The following TNFRSF9 variants were observed in gnomAD, a reference collection of about 807,000 sequenced individuals.
The protein encoded by TNFRSF9 is tumor necrosis factor receptor superfamily member 9.
In TNFRSF9, 16 loss-of-function variants were observed where a neutral mutation model predicts 28.8. That is an observed-to-expected ratio of 0.55 (90% CI 0.38 to 0.84). The LOEUF (loss-of-function observed/expected upper bound fraction) is 0.84, where lower values mean the gene tolerates loss of function less well. TNFRSF9 is among the 40% of genes least tolerant of loss of function. TNFRSF9 has a pLI of 0.00. For missense variants in TNFRSF9, 303 were observed against 315.0 expected, an observed-to-expected ratio of 0.96 and a Z score of 0.29; for synonymous variants, 131 against 117.0, an observed-to-expected ratio of 1.12 and a Z score of -0.77.
chr1:7,926,243 T>G (rs890967265), intron 7 of TNFRSF9, among the ~76,000 whole-genome samples: 9 of 152,174 alleles, frequency 5.9e-5, no homozygotes, highest in African/African-American at 2.2e-4. Context: ...TGTTTAGATA[T>G]GTTTAGCTAC....
chr1:7,924,320 T>C (rs997787949), intron 7 of TNFRSF9, among the ~76,000 whole-genome samples: 1 of 117,366 alleles, frequency 8.5e-6, no homozygotes, highest in Non-Finnish European at 1.5e-5. Context: ...TATATATATA[T>C]ATATATATAT....
rs748894187 is a variant in TNFRSF9 at position 7,939,932 on chromosome 1, T to C, written c.63A>G (p.Thr21=). ...TLLLVLNFER[T]RSLQDPCSNC... ...TACTACAAGGATCCTGCAATGATCT[T>C]GTCCTCTCAAAGTTGAGGACCAGCA... is the stretch of plus-strand genomic sequence containing the variant. Residue 21 remains threonine, a synonymous_variant, in exon 2 of 8, where the codon ACA becomes ACG. Transcript: ENST00000377507. 15 of 1,606,586 alleles carry C rather than the reference T, an allele frequency of 9.3e-6. No individual in the cohort carries two copies. Among genetic ancestry groups the C allele is most frequent in the Non-Finnish European group, 1.3e-5 (15 of 1,173,964 alleles).
In TNFRSF9 at chr1:7,919,382, C is replaced by T. The variant is rs1038798985; in HGVS notation, c.*1453G>A. ...AATTAGCCAGGCGTGGTGGCACATA[C>T]CTGTAGTCCCAGCTACTTAGGAGGC... On this transcript the variant is annotated 3_prime_UTR_variant, in exon 8 of 8. Transcript: ENST00000377507. 1 of 152,178 alleles carries T rather than the reference C, an allele frequency of 6.6e-6. No homozygotes were observed. Among genetic ancestry groups the T allele is most frequent in the African/African-American group, 2.4e-5 (1 of 41,442 alleles). 9.4% of individuals were successfully genotyped at this position (152,178 alleles called of 1,614,324 possible). A position where few individuals can be genotyped will look rare whatever the true frequency, so the allele number is the denominator to read the frequency against.
At position 7,938,824 on chromosome 1, in the gene TNFRSF9, T is replaced by C. The variant is rs1402427738; in HGVS notation, c.105A>G (p.Thr35=). The change falls in exon 3 of 8, where the codon ACA becomes ACG. Residue 35 remains threonine, a synonymous_variant. Transcript: ENST00000377507. ...TCTGATTCCTGTTATTATCACAGAA[T>C]GTACCTAAGAAAGGCAGACAATAGT... The part of the protein sequence containing the change: ...QDPCSNCPAG[T]FCDNNRNQIC... 1 of 1,611,290 alleles carries C rather than the reference T, an allele frequency of 6.2e-7. No homozygotes were observed. The highest frequency in any genetic ancestry group is 8.5e-7 in the Non-Finnish European group (1 of 1,177,754).
chr1:7,918,735 G>T lies in TNFRSF9; in HGVS notation c.*2100C>A, dbSNP rs972173682. ...TTATTTAAAAAAATAAACACAAATG[G>T]TATATAAATATTTGACAAGGTGCTC... On this transcript the variant is annotated 3_prime_UTR_variant, in exon 8 of 8. Coordinates refer to ENST00000377507, the MANE Select transcript of TNFRSF9 (RefSeq NM_001561.6). 1 of 152,240 alleles carries T rather than the reference G, an allele frequency of 6.6e-6. No homozygotes were observed. The allele number at this position is 152,240 out of a possible 1,614,324, so 9.4% of individuals were successfully genotyped here.
chr1:7,938,074 A>T (rs1215500826), intron 4 of TNFRSF9, 119 bp downstream of exon 4: 1 of 835,166 alleles, frequency 1.2e-6, no homozygotes, highest in Non-Finnish European at 1.7e-6. Flanking sequence ...GATATATCAT[A>T]TACTCCCTTG....
intron 7 of TNFRSF9, among the ~76,000 whole-genome samples, chr1:7,932,659 GCA>G (rs898175895): frequency 2.0e-5 from 3 of 150,566 alleles, no homozygotes; most frequent in Admixed American, 1.3e-4. Flanking sequence ...TCCTCCACAC[GCA>G]CACACACACA....
At chr1:7,924,163 G>T (rs1452400079) in intron 7 of TNFRSF9, among the ~76,000 whole-genome samples, 2 of 151,908 alleles carry the variant, frequency 1.3e-5, no homozygotes, top group Non-Finnish European at 2.9e-5. Context: ...CTACTGAGCT[G>T]CCAGTTGTGT....
rs1639543984 is a variant in TNFRSF9 at position 7,920,709 on chromosome 1, G to A, written c.*126C>T. 1.6e-5 allele frequency: 12 copies of A among 745,148 alleles called. No individual in the cohort carries two copies. The highest frequency in any genetic ancestry group is 7.8e-5 in the East Asian group (3 of 38,378). 46.2% of individuals were successfully genotyped at this position (745,148 alleles called of 1,614,324 possible). On this transcript the variant is annotated 3_prime_UTR_variant, in exon 8 of 8. Coordinates refer to ENST00000377507, the MANE Select transcript of TNFRSF9 (RefSeq NM_001561.6). ...AACTCATTGGCATTTAGAAAAGAAC[G>A]TGTGTTGGGGGAATCCTGGGTATTA... is the stretch of plus-strand genomic sequence containing the variant.
intron 2 of TNFRSF9, among the ~76,000 whole-genome samples, chr1:7,939,676 G>C (rs145901654): frequency 6.6e-6 from 1 of 152,302 alleles, no homozygotes; most frequent in African/African-American, 2.4e-5. Context: ...TATAAAACAG[G>C]TTCTCTTATT....
At chr1:7,932,553 G>C (rs912678118) in intron 7 of TNFRSF9, among the ~76,000 whole-genome samples, 1 of 151,968 alleles carries the variant, frequency 6.6e-6, no homozygotes, top group African/African-American at 2.4e-5. Flanking sequence ...TGTTCTCCTT[G>C]CCTTCCTCAA....
intron 7 of TNFRSF9, among the ~76,000 whole-genome samples, chr1:7,925,890 C>T (rs2151413570): frequency 6.6e-6 from 1 of 152,206 alleles, no homozygotes; most frequent in Non-Finnish European, 1.5e-5. Context: ...GCTTGCCCAC[C>T]ACTCTCCTCC....
In TNFRSF9 at chr1:7,919,262, C is replaced by T. The variant is rs758490350; in HGVS notation, c.*1573G>A. 6 of 152,152 alleles carry T rather than the reference C, an allele frequency of 3.9e-5. No homozygotes were observed. Among genetic ancestry groups the T allele is most frequent in the Non-Finnish European group, 7.3e-5 (5 of 68,082 alleles). 9.4% of individuals were successfully genotyped at this position (152,152 alleles called of 1,614,324 possible). ...GTGGCTCATGCCTGTAATCCCAGCA[C>T]TTTGGGAGGCAGAGGTGGGCAGATC... On this transcript the variant is annotated 3_prime_UTR_variant, in exon 8 of 8. Coordinates refer to ENST00000377507, the MANE Select transcript of TNFRSF9 (RefSeq NM_001561.6).
rs1639509521 is a variant in TNFRSF9 at position 7,918,273 on chromosome 1, A to G, written c.*2562T>C. ...AGTGCTGGGATTACAGGTGTGAGCTACCGTGCCTGGCCACAAAGAAGATAT... is the reference window on the plus strand; with the variant it reads ...AGTGCTGGGATTACAGGTGTGAGCTGCCGTGCCTGGCCACAAAGAAGATAT... On this transcript the variant is annotated 3_prime_UTR_variant, in exon 8 of 8. Coordinates refer to ENST00000377507, the MANE Select transcript of TNFRSF9 (RefSeq NM_001561.6). 6.6e-6 allele frequency: 1 copy of G among 152,198 alleles called. No individual in the cohort carries two copies. The highest frequency in any genetic ancestry group is 2.4e-5 in the African/African-American group (1 of 41,452). The allele number at this position is 152,198 out of a possible 1,614,324, so 9.4% of individuals were successfully genotyped here. A position where few individuals can be genotyped will look rare whatever the true frequency, so the allele number is the denominator to read the frequency against.
chr1:7,931,915 G>A (rs1235158142), intron 7 of TNFRSF9, among the ~76,000 whole-genome samples: 6 of 152,188 alleles, frequency 3.9e-5, no homozygotes, highest in South Asian at 2.1e-4. Flanking sequence ...AGGCTGAGGC[G>A]GGCGGATCAC....
intron 7 of TNFRSF9, among the ~76,000 whole-genome samples, chr1:7,921,338 A>AAAAACAAAAC (rs143263936): frequency 0.023 from 3,197 of 140,096 alleles, 43 homozygotes; most frequent in Middle Eastern, 0.047. Context: ...CTCTGTCTCA[A>AAAAACAAAAC]AAAACAAAAC....
At chr1:7,926,240 A>G (rs1639648719) in intron 7 of TNFRSF9, among the ~76,000 whole-genome samples, 1 of 152,118 alleles carries the variant, frequency 6.6e-6, no homozygotes, top group South Asian at 2.1e-4. Flanking sequence ...CTATGTTTAG[A>G]TATGTTTAGC....
chr1:7,930,479 A>G (rs1250362814), intron 7 of TNFRSF9, among the ~76,000 whole-genome samples: 1 of 152,230 alleles, frequency 6.6e-6, no homozygotes, highest in East Asian at 1.9e-4. Flanking sequence ...TTTGTTGCAG[A>G]GATACTCCTT....
At position 7,917,815 on chromosome 1, in the gene TNFRSF9, G is replaced by A. The variant is rs1386691686; in HGVS notation, c.*3020C>T. 2.6e-5 allele frequency: 4 copies of A among 151,938 alleles called. No homozygotes were observed. Among genetic ancestry groups the A allele is most frequent in the African/African-American group, 9.7e-5 (4 of 41,342 alleles). 9.4% of individuals were successfully genotyped at this position (151,938 alleles called of 1,614,324 possible). A position where few individuals can be genotyped will look rare whatever the true frequency, so the allele number is the denominator to read the frequency against. On this transcript the variant is annotated 3_prime_UTR_variant, in exon 8 of 8. Coordinates refer to ENST00000377507, the MANE Select transcript of TNFRSF9 (RefSeq NM_001561.6). ...AATTCCAGCACTTTGGAAGGCTGAG[G>A]TGGGAGGATCACTTGAGCTCAGGAG...
Sources: allele counts gnomAD v4.1 joint callset (sites outside exome capture counted in the v4.1 genomes callset), GRCh38; gene constraint gnomAD v4.1.1; transcripts MANE v1.5; gene names NCBI Gene and HGNC (gene_info 2026-07-23, HGNC 2026-07-21).